The following APPBP2 variants were observed in gnomAD, a reference collection of about 807,000 sequenced individuals.
The protein encoded by APPBP2 is amyloid beta precursor protein binding protein 2, also known as amyloid protein-binding protein 2.
Under a neutral mutation model 76.0 loss-of-function variants are expected in APPBP2, and 15 were observed. The ratio of observed to expected loss-of-function variants is 0.20; its 90% CI spans 0.13 to 0.30. The LOEUF (loss-of-function observed/expected upper bound fraction) is 0.30. Among genes scored for constraint, APPBP2 ranks in the 10% least tolerant of loss-of-function variants. APPBP2 has a pLI of 1.00. For missense variants in APPBP2, 401 were observed against 687.2 expected (o/e 0.58, Z 4.66); for synonymous variants, 222 against 242.2 (o/e 0.92, Z 0.77).
At position 60,447,657 on chromosome 17, in the gene APPBP2, C is replaced by T. The variant is rs34146848; in HGVS notation, c.1682G>A (p.Ser561Asn). 0.024 allele frequency: 37,983 copies of T among 1,613,958 alleles called. 7,105 individuals are homozygous for T. The African/African-American group carries it at 0.42, about 18-fold the overall frequency. Residue 561 changes from serine (S) to asparagine (N), a missense_variant, in exon 13 of 13, where the codon AGC becomes AAC. Physicochemically the swap from Ser to Asn is conservative, Grantham distance 46. Coordinates refer to ENST00000083182, the MANE Select transcript of APPBP2 (RefSeq NM_006380.5). ...YSVTDALEDV[S>N]TSPQSTEEVV... ...TTCTTCAGTGGACTGGGGGCTGGTG[C>T]TGACATCTTCAAGAGCATCTGTCAC... is the stretch of plus-strand genomic sequence containing the variant.
At chr17:60,454,247 T>A in intron 11 of APPBP2, 55 bp downstream of exon 11, 1 of 1,264,402 alleles carries the variant, frequency 7.9e-7, no homozygotes, top group East Asian at 2.5e-5. Context: ...ATTTATTATT[T>A]CAGGTTCTAT....
At chr17:60,467,746 T>TCTAAATGATGACA (rs1197260089) in intron 4 of APPBP2, among the ~76,000 whole-genome samples, 3 of 152,132 alleles carry the variant, frequency 2.0e-5, no homozygotes, top group Non-Finnish European at 4.4e-5. Context: ...TAAGTTGACA[T>TCTAAATGATGACA]CTAAATGATG....
chr17:60,473,519 A>G (rs1429754536), intron 4 of APPBP2, among the ~76,000 whole-genome samples: 2 of 152,192 alleles, frequency 1.3e-5, no homozygotes, highest in Non-Finnish European at 2.9e-5. Flanking sequence ...TAAAACACTT[A>G]TAATTTATAT....
Position 60,460,707 on chromosome 17 carries a change from A to C in APPBP2, c.1017T>G (p.Ser339=), listed in dbSNP as rs754078000. 12 of 1,613,788 alleles carry C rather than the reference A, an allele frequency of 7.4e-6. No homozygotes were observed. Among genetic ancestry groups the C allele is most frequent in the Non-Finnish European group, 9.3e-6 (11 of 1,179,768 alleles). Residue 339 remains serine (S), a synonymous_variant, in exon 9 of 13, where the codon TCT becomes TCG. Coordinates refer to ENST00000083182, the MANE Select transcript of APPBP2 (RefSeq NM_006380.5). ...VATAHEDLAY[S]SYVHQYSSGK... ...CAGAGCTATACTGGTGGACATAAGA[A>C]GAGTAGGCCAAATCTTCATGAGCTG...
intron 1 of APPBP2, among the ~76,000 whole-genome samples, chr17:60,507,200 T>C (rs1356759505): frequency 3.3e-5 from 5 of 150,654 alleles, no homozygotes; most frequent in Non-Finnish European, 5.9e-5. Flanking sequence ...TTTCAATCCT[T>C]GCCACATTAA....
chr17:60,518,972 C>A (rs79039410), intron 1 of APPBP2, among the ~76,000 whole-genome samples: 5 of 152,028 alleles, frequency 3.3e-5, no homozygotes, highest in East Asian at 1.9e-4. Context: ...TTTTTCCCCC[C>A]CTTTGAGACA....
intron 1 of APPBP2, among the ~76,000 whole-genome samples, chr17:60,507,060 T>C (rs772331150): frequency 6.6e-6 from 1 of 152,020 alleles, no homozygotes; most frequent in Non-Finnish European, 1.5e-5. Context: ...TTTTCTTTCT[T>C]CTCTTTTCAA....
In APPBP2 at chr17:60,503,542, C is replaced by T. The variant is rs563733534; in HGVS notation, c.139-3055G>A. On this transcript the variant is annotated intron_variant, in intron 1 of 12. Coordinates refer to ENST00000083182, the MANE Select transcript of APPBP2 (RefSeq NM_006380.5). ...CTGGGATTACAGGCGCCCGCCACCA[C>T]GCCCAGCTAATTTTTGTATTTTTAG... Among the ~76,000 whole-genome samples the T allele has an allele frequency of 6.6e-4, 96 of 145,582 alleles. 13 individuals are homozygous for T. Among genetic ancestry groups the T allele is most frequent in the Middle Eastern group, 3.4e-3 (1 of 292 alleles).
chr17:60,464,582 T>C (rs2090497642), intron 5 of APPBP2, among the ~76,000 whole-genome samples: 1 of 152,230 alleles, frequency 6.6e-6, no homozygotes, highest in African/African-American at 2.4e-5. Flanking sequence ...TTTATGTGCA[T>C]TAACACATTT....
chr17:60,456,342 G>T lies in APPBP2; in HGVS notation c.1101C>A (p.Ile367=). 1 of 1,611,270 alleles carries T rather than the reference G, an allele frequency of 6.2e-7. No individual in the cohort carries two copies. The highest frequency in any genetic ancestry group is 8.5e-7 in the Non-Finnish European group (1 of 1,177,576). ...AERAIGIITH[I]LPEDHLLLAS... is the part of the protein sequence containing the mutation. Reference sequence around the variant, plus strand: ...CCAAAAGAAGATGATCTTCAGGTAGGATGTGGGTAATGATACCAATAGCTC... The same window carrying T: ...CCAAAAGAAGATGATCTTCAGGTAGTATGTGGGTAATGATACCAATAGCTC... Residue 367 remains isoleucine (I), a synonymous_variant, in exon 10 of 13, where the codon ATC becomes ATA. Transcript: ENST00000083182.
chr17:60,443,901 T>C lies in APPBP2; in HGVS notation c.*3680A>G, dbSNP rs957276897. 6.6e-6 allele frequency: 1 copy of C among 152,600 alleles called. No homozygotes were observed. The highest frequency in any genetic ancestry group is 1.5e-5 in the Non-Finnish European group (1 of 68,042). The allele number at this position is 152,600 out of a possible 1,614,324, so 9.5% of individuals were successfully genotyped here. ...AAAACCAGTTTTCTGCCTAAAACAT[T>C]CCTGAGATTTATGGACAAAAGAAGT... On this transcript the variant is annotated 3_prime_UTR_variant, in exon 13 of 13. Coordinates refer to ENST00000083182, the MANE Select transcript of APPBP2 (RefSeq NM_006380.5).
intron 1 of APPBP2, among the ~76,000 whole-genome samples, chr17:60,518,961 CTT>C (rs1323197725): frequency 6.6e-6 from 1 of 151,876 alleles, no homozygotes; most frequent in Admixed American, 6.6e-5. Context: ...TTTACATTAC[CTT>C]TTTCCCCCCC....
intron 3 of APPBP2, among the ~76,000 whole-genome samples, chr17:60,490,509 A>G (rs1297330498): frequency 6.6e-6 from 1 of 152,186 alleles, no homozygotes; most frequent in Non-Finnish European, 1.5e-5. Context: ...TTGTCTCAAC[A>G]AAAATAAAAA....
intron 1 of APPBP2, among the ~76,000 whole-genome samples, chr17:60,502,815 C>G (rs1042076189): frequency 4.8e-5 from 7 of 146,094 alleles, no homozygotes; most frequent in Admixed American, 1.3e-4. Flanking sequence ...CGCGCCACTG[C>G]ACTCCAGCCT....
chr17:60,492,368 G>C lies in APPBP2; in HGVS notation c.379+2098C>G, dbSNP rs373775428. On this transcript the variant is annotated intron_variant, in intron 3 of 12. Coordinates refer to ENST00000083182, the MANE Select transcript of APPBP2 (RefSeq NM_006380.5). The stretch of plus-strand genomic sequence containing the variant: ...ACTGCCTAGTGGAGCTATGAGAAGA[G>C]GGCCACTGTGCTCCAGACCACAGAA... Among the ~76,000 whole-genome samples, 88 of 152,316 alleles carry C rather than the reference G, an allele frequency of 5.8e-4. 4 individuals carry two copies. The South Asian group carries it at 0.018, about 31-fold the overall frequency.
At chr17:60,466,873 G>C (rs966232508) in intron 4 of APPBP2, among the ~76,000 whole-genome samples, 6 of 152,080 alleles carry the variant, frequency 3.9e-5, no homozygotes, top group African/African-American at 1.4e-4. Flanking sequence ...CACTTGATCA[G>C]TTACCACTTA....
rs556802424 is a variant in APPBP2, at chr17:60,515,881, GAA to G, written c.138+9911_138+9912del. On this transcript the variant is annotated intron_variant, in intron 1 of 12. Transcript: ENST00000083182. ...AAAAAGTCAATAAGGAACATCAGAT[GAA>G]GCTGGGTGCGGTGGCTCACGCCTGT... 4.8e-3 allele frequency among the ~76,000 whole-genome samples: 735 copies of G among 152,162 alleles called. 4 individuals carry two copies. The highest frequency in any genetic ancestry group is 0.02 in the Middle Eastern group (6 of 294).
intron 8 of APPBP2, 107 bp downstream of exon 8, chr17:60,461,703 G>C: frequency 2.8e-6 from 2 of 717,614 alleles, no homozygotes; most frequent in Non-Finnish European, 4.8e-6. Context: ...TTGGTGGGCG[G>C]GGTAGTTGTC....
At chr17:60,482,447 T>G (rs752752083) in intron 3 of APPBP2, among the ~76,000 whole-genome samples, 2 of 152,194 alleles carry the variant, frequency 1.3e-5, no homozygotes, top group African/African-American at 2.4e-5. Flanking sequence ...TTTTTAGGAT[T>G]AAAAATTTAT....
Sources: gnomAD v4.1 joint callset for allele counts (sites outside exome capture counted in the v4.1 genomes callset) on GRCh38, gnomAD v4.1.1 for gene constraint, MANE v1.5 for transcripts, NCBI Gene and HGNC (gene_info 2026-07-23, HGNC 2026-07-21) for gene names.